The following ZNF487 variants were observed in gnomAD, a reference collection of about 807,000 sequenced individuals.
ZNF487 encodes the protein KRAB domain only 1.
A neutral mutation model predicts 3.0 loss-of-function variants in ZNF487; 4 were observed. That is an observed-to-expected ratio of 1.35 (90% CI 0.66 to 3.08). ZNF487 has a LOEUF of 3.08. Among genes scored for constraint, ZNF487 ranks in the 30% most tolerant of loss-of-function variants. The probability of loss-of-function intolerance (pLI) is 0.01; values close to 1 mark genes in which losing one functional copy is unlikely to be tolerated. For synonymous variants in ZNF487, 55 were observed against 34.6 expected (o/e 1.59, Z -2.06); for missense variants, 146 against 98.7 (o/e 1.48, Z -2.03).
chr10:43,501,850 G>A, the ZNF487 span, among the ~76,000 whole-genome samples: 1 of 151,256 alleles, frequency 6.6e-6, no homozygotes, highest in Non-Finnish European at 1.5e-5. Flanking sequence ...CAATGGTGCA[G>A]TAACCATTTA....
chr10:43,481,860 G>C lies in ZNF487; in HGVS notation c.562G>C (p.Ala188Pro). 7.1e-6 allele frequency: 5 copies of C among 701,878 alleles called. No individual in the cohort carries two copies. The highest frequency in any genetic ancestry group is 1.5e-5 in the South Asian group (1 of 67,438). The allele number at this position is 701,878 out of a possible 1,614,324, so 43.5% of individuals were successfully genotyped here. A position where few individuals can be genotyped will look rare whatever the true frequency, so the allele number is the denominator to read the frequency against. ...TTTTGAATACAATCAGTGTGGGAAG[G>C]CTTTTCATGAAGAGGCAGCCTGCAG... ...QCFEYNQCGKAFHEEAACSTH... is the reference protein window; with the variant it reads ...QCFEYNQCGKPFHEEAACSTH... The change falls in exon 4 of 4, where the codon GCT becomes CCT. Residue 188 changes from alanine (A) to proline (P), a missense_variant. Coordinates refer to ENST00000437590, the MANE Select transcript of ZNF487 (RefSeq NM_001355444.3).
Position 43,474,314 on chromosome 10 carries a change from C to T in ZNF487, c.-93-1407C>T, listed in dbSNP as rs142600555. Among the ~76,000 whole-genome samples, 721 of 151,718 alleles carry T rather than the reference C, an allele frequency of 4.8e-3. 7 individuals are homozygous for T. The highest frequency in any genetic ancestry group is 0.017 in the African/African-American group (695 of 41,380). On this transcript the variant is annotated intron_variant, in intron 1 of 3. Coordinates refer to ENST00000437590, the MANE Select transcript of ZNF487 (RefSeq NM_001355444.3). The stretch of plus-strand genomic sequence containing the variant: ...ACTAAAAATACAAAAATGAGCCAGG[C>T]GTGGTGGTGCGCCCCTGTAACCCCA...
chr10:43,451,937 C>T (rs931331437), intron 1 of ZNF487: 2 of 152,260 alleles, frequency 1.3e-5, no homozygotes, highest in Admixed American at 1.3e-4. Flanking sequence ...AAGAGGACAA[C>T]TAGAAGAGAG....
chr10:43,476,365 A>T (rs1192783896), intron 3 of ZNF487, among the ~76,000 whole-genome samples, 163 bp downstream of exon 3: 2 of 152,192 alleles, frequency 1.3e-5, no homozygotes, highest in East Asian at 3.8e-4. Flanking sequence ...CCTCAGATGT[A>T]TATGTTATTA....
rs74137736 is a variant in ZNF487 at position 43,475,144 on chromosome 10, T to C, written c.-93-577T>C. 6.1e-3 allele frequency among the ~76,000 whole-genome samples: 930 copies of C among 151,988 alleles called. 9 individuals carry two copies. Among genetic ancestry groups the C allele is most frequent in the African/African-American group, 0.018 (737 of 41,426 alleles). Reference sequence around the variant, plus strand: ...GCATCTGATGTAAACACTTGTGGGGTTGGTTGGAGATTCTCCGGGGACCCT... The same window carrying C: ...GCATCTGATGTAAACACTTGTGGGGCTGGTTGGAGATTCTCCGGGGACCCT... On this transcript the variant is annotated intron_variant, in intron 1 of 3. Transcript: ENST00000437590.
At chr10:43,442,271 A>AACAAC (rs1839641399) in intron 1 of ZNF487, among the ~76,000 whole-genome samples, 2 of 150,136 alleles carry the variant, frequency 1.3e-5, no homozygotes, top group Admixed American at 6.7e-5. Flanking sequence ...ACAACAACAA[A>AACAAC]AAAAAAACAA....
intron 1 of ZNF487, among the ~76,000 whole-genome samples, chr10:43,442,796 C>T (rs779855593): frequency 9.9e-5 from 15 of 152,102 alleles, no homozygotes; most frequent in East Asian, 3.9e-4. Context: ...TTGTGTTCAG[C>T]GTACAAGTCT....
intron 1 of ZNF487, among the ~76,000 whole-genome samples, chr10:43,441,652 T>C (rs1408318924): frequency 1.3e-5 from 2 of 151,954 alleles, no homozygotes; most frequent in African/African-American, 4.8e-5. Flanking sequence ...AGTGGTGCGA[T>C]CTCGGCTCAC....
At chr10:43,446,925 ACT>A (rs1471526637) in intron 1 of ZNF487, among the ~76,000 whole-genome samples, 4 of 151,850 alleles carry the variant, frequency 2.6e-5, no homozygotes, top group Non-Finnish European at 4.4e-5. Flanking sequence ...AGTGAGCGAG[ACT>A]CTGTCTGCAA....
chr10:43,445,420 G>C lies in ZNF487; in HGVS notation c.-94+8158G>C, dbSNP rs545403634. Among the ~76,000 whole-genome samples, 7 of 152,156 alleles carry C rather than the reference G, an allele frequency of 4.6e-5. No homozygotes were observed. In the East Asian group the frequency reaches 1.2e-3, roughly 25 times the overall value. On this transcript the variant is annotated intron_variant, in intron 1 of 3. Transcript: ENST00000437590. ...TTAGGCATTGTGAATTTTACTTTTT[G>C]GATGCAGGATATTTTTGTATTCCTG...
downstream of ZNF487, among the ~76,000 whole-genome samples, chr10:43,486,883 A>G (rs1053209203): frequency 6.6e-6 from 1 of 152,234 alleles, no homozygotes; most frequent in Non-Finnish European, 1.5e-5. Flanking sequence ...TTACTCTTCA[A>G]GGAAAAATTG....
the ZNF487 span, among the ~76,000 whole-genome samples, chr10:43,521,078 A>C: frequency 1.3e-5 from 2 of 152,156 alleles, no homozygotes; most frequent in African/African-American, 4.8e-5. Flanking sequence ...CTTCATAATA[A>C]AAAGATATGG....
chr10:43,488,962 A>T, the ZNF487 span, among the ~76,000 whole-genome samples: 2 of 151,926 alleles, frequency 1.3e-5, no homozygotes, highest in Admixed American at 6.6e-5. Context: ...ACAAAAAAAA[A>T]ATATGAAAAA....
the ZNF487 span, among the ~76,000 whole-genome samples, chr10:43,498,099 ATTTTTTTTTTTTTTCTTTTTTTT>A: frequency 5.9e-4 from 12 of 20,178 alleles, no homozygotes; most frequent in African/African-American, 2.3e-3. Flanking sequence ...ATATATATAT[ATTTTTTTTTTTTTTCTTTTTTTT>A]TTTTTTTTTT....
chr10:43,439,665 C>T (rs1839513050), intron 1 of ZNF487, among the ~76,000 whole-genome samples: 2 of 152,086 alleles, frequency 1.3e-5, no homozygotes, highest in South Asian at 2.1e-4. Flanking sequence ...GATGGCACCA[C>T]TACACTCTAG....
At chr10:43,437,919 G>A (rs989334105) in intron 1 of ZNF487, among the ~76,000 whole-genome samples, 1 of 151,850 alleles carries the variant, frequency 6.6e-6, no homozygotes, top group African/African-American at 2.4e-5. Flanking sequence ...TTGAACTCCT[G>A]GGCTCAAGTG....
At chr10:43,496,348 G>A in the ZNF487 span, among the ~76,000 whole-genome samples, 11 of 152,148 alleles carry the variant, frequency 7.2e-5, no homozygotes, top group African/African-American at 2.7e-4. Flanking sequence ...TGGAACTATT[G>A]ACTACAGCTC....
At chr10:43,506,041 G>C in the ZNF487 span, among the ~76,000 whole-genome samples, 1 of 152,192 alleles carries the variant, frequency 6.6e-6, no homozygotes, top group Non-Finnish European at 1.5e-5. Context: ...ACCTTTACCA[G>C]TGTTCTTTTC....
At chr10:43,504,873 AT>A in the ZNF487 span, among the ~76,000 whole-genome samples, 2 of 150,418 alleles carry the variant, frequency 1.3e-5, no homozygotes, top group African/African-American at 4.9e-5. Context: ...CGCCTGGCTA[AT>A]TTTTTGTATT....
Sources: allele counts gnomAD v4.1 joint callset (sites outside exome capture counted in the v4.1 genomes callset), GRCh38; gene constraint gnomAD v4.1.1; transcripts MANE v1.5; gene names NCBI Gene and HGNC (gene_info 2026-07-23, HGNC 2026-07-21).